The following NAV3 variants were observed in gnomAD, a reference collection of about 807,000 sequenced individuals.
NAV3 encodes the protein pore membrane and/or filament interacting like protein 1.
Under a neutral mutation model 244.7 loss-of-function variants are expected in NAV3, and 87 were observed. The observed-to-expected ratio is 0.36, with a 90% CI of 0.30 to 0.42. NAV3 has a LOEUF of 0.42. NAV3 is among the 20% of genes least tolerant of loss of function. NAV3 has a pLI of 1.00. For missense variants in NAV3, 2,663 were observed against 2,893.3 expected (o/e 0.92, Z 1.83); for synonymous variants, 1,126 against 1,042.2 (o/e 1.08, Z -1.55).
upstream of NAV3, among the ~76,000 whole-genome samples, chr12:77,829,859 C>G (rs1873418957): frequency 2.0e-5 from 3 of 152,154 alleles, no homozygotes; most frequent in South Asian, 4.1e-4. Flanking sequence ...CAAAGATGAC[C>G]ATTTCTTCAC....
chr12:77,688,310 AC>A (rs1408521625), intron 2 of NAV3, among the ~76,000 whole-genome samples: 1 of 151,808 alleles, frequency 6.6e-6, no homozygotes, highest in African/African-American at 2.4e-5. Context: ...ACTACCCCTG[AC>A]CCCCTAGATT....
At chr12:77,683,360 A>G (rs935637107) in intron 2 of NAV3, among the ~76,000 whole-genome samples, 6 of 150,170 alleles carry the variant, frequency 4.0e-5, no homozygotes, top group African/African-American at 1.5e-4. Context: ...ACTTTGTTCC[A>G]TTGGTCTTTG....
chr12:77,942,674 A>T (rs191605189), intron 3 of NAV3, among the ~76,000 whole-genome samples: 346 of 152,288 alleles, frequency 2.3e-3, no homozygotes, highest in African/African-American at 7.6e-3. Context: ...GTTGAGAAAA[A>T]TATGTAACTT....
At chr12:77,770,268 T>A (rs1409739499) in intron 2 of NAV3, among the ~76,000 whole-genome samples, 3 of 152,076 alleles carry the variant, frequency 2.0e-5, no homozygotes, top group African/African-American at 7.2e-5. Flanking sequence ...ATGAGGAAGC[T>A]AAGGTACCTG....
rs144505284 is a variant in NAV3, at chr12:77,808,347, C to T, written c.73-131972C>T. On this transcript the variant is annotated intron_variant, in intron 2 of 8. Coordinates refer to the NAV3 transcript ENST00000550042. ...TTCACTCTTTGATGTTGGTGACCTT[C>T]GGATGGGGTTTTTGTGTGGACATCC... is the stretch of plus-strand genomic sequence containing the variant. Among the ~76,000 whole-genome samples, 171 of 152,264 alleles carry T rather than the reference C, an allele frequency of 1.1e-3. 1 individual carries two copies. The highest frequency in any genetic ancestry group is 4.0e-3 in the African/African-American group (165 of 41,548).
intron 1 of NAV3, among the ~76,000 whole-genome samples, chr12:77,909,664 A>G (rs563956435): frequency 6.6e-6 from 1 of 152,228 alleles, no homozygotes; most frequent in South Asian, 2.1e-4. Context: ...ATCTTATAAG[A>G]TCCAATGGAA....
intron 2 of NAV3, among the ~76,000 whole-genome samples, chr12:77,599,163 A>G (rs1437378042): frequency 6.6e-6 from 1 of 151,834 alleles, no homozygotes; most frequent in Non-Finnish European, 1.5e-5. Context: ...CATTATATCC[A>G]CCAGATTTAT....
At chr12:77,612,683 A>G (rs75504310) in intron 2 of NAV3, among the ~76,000 whole-genome samples, 6,133 of 152,156 alleles carry the variant, frequency 0.04, 241 homozygotes, top group African/African-American at 0.1. Context: ...TAGAATTACA[A>G]TTTTCCAGAA....
At position 77,976,618 on chromosome 12, in the gene NAV3, G is replaced by A. The variant is rs111807698; in HGVS notation, c.671+7916G>A. 8.2e-3 allele frequency among the ~76,000 whole-genome samples: 1,225 copies of A among 149,414 alleles called. 10 individuals are homozygous for A. The highest frequency in any genetic ancestry group is 0.038 in the South Asian group (181 of 4,718). Reference sequence around the variant, plus strand: ...ATACATTTACTGTCTCAATCCTCACGGCAATCCTATGATGTGTATACTGTA... The same window carrying A: ...ATACATTTACTGTCTCAATCCTCACAGCAATCCTATGATGTGTATACTGTA... On this transcript the variant is annotated intron_variant, in intron 5 of 39. Transcript: ENST00000397909.
chr12:77,908,169 A>G (rs1352353509), intron 1 of NAV3, among the ~76,000 whole-genome samples: 1 of 152,134 alleles, frequency 6.6e-6, no homozygotes, highest in Non-Finnish European at 1.5e-5. Context: ...TTTATTTGTC[A>G]GCATGATGTT....
At chr12:77,678,808 A>G (rs1592573230) in intron 2 of NAV3, among the ~76,000 whole-genome samples, 1 of 151,232 alleles carries the variant, frequency 6.6e-6, no homozygotes, top group Non-Finnish European at 1.5e-5. Context: ...AGAAGTAGAG[A>G]AATCTAATCC....
intron 1 of NAV3, among the ~76,000 whole-genome samples, chr12:77,841,596 T>G (rs1429867613): frequency 6.6e-6 from 1 of 152,198 alleles, no homozygotes; most frequent in Non-Finnish European, 1.5e-5. Context: ...CCCAGTTTCC[T>G]AAAGTCAAAT....
intron 2 of NAV3, among the ~76,000 whole-genome samples, chr12:77,721,778 C>T (rs2137297648): frequency 6.6e-6 from 1 of 152,106 alleles, no homozygotes; most frequent in Non-Finnish European, 1.5e-5. Context: ...CACATTTTCC[C>T]AAGGAATTTA....
chr12:78,135,363 G>A (rs1241849063), intron 18 of NAV3, among the ~76,000 whole-genome samples: 1 of 152,118 alleles, frequency 6.6e-6, no homozygotes, highest in African/African-American at 2.4e-5. Context: ...CAATGCAGAA[G>A]CTATCAAAAG....
intron 12 of NAV3, among the ~76,000 whole-genome samples, chr12:78,065,428 A>G (rs182527864): frequency 1.3e-5 from 2 of 152,304 alleles, no homozygotes; most frequent in Admixed American, 6.5e-5. Context: ...TCAAATGTAC[A>G]GTAAGAAAAC....
intron 2 of NAV3, among the ~76,000 whole-genome samples, chr12:77,825,007 A>T (rs535776488): frequency 6.6e-6 from 1 of 152,234 alleles, no homozygotes; most frequent in Non-Finnish European, 1.5e-5. Context: ...ATAGAAAGGA[A>T]CAAAGATCAG....
intron 2 of NAV3, among the ~76,000 whole-genome samples, chr12:77,803,304 T>C (rs770734254): frequency 1.3e-5 from 2 of 152,052 alleles, no homozygotes; most frequent in Non-Finnish European, 2.9e-5. Flanking sequence ...CAGGCCCTGG[T>C]GTATGATGTT....
At chr12:78,002,064 G>A (rs1873401260) in intron 7 of NAV3, among the ~76,000 whole-genome samples, 2 of 152,152 alleles carry the variant, frequency 1.3e-5, no homozygotes, top group South Asian at 2.1e-4. Flanking sequence ...GGTTCCTTTG[G>A]ACATATACTT....
At chr12:77,586,806 G>C (rs974164446) in intron 2 of NAV3, among the ~76,000 whole-genome samples, 1 of 152,206 alleles carries the variant, frequency 6.6e-6, no homozygotes, top group African/African-American at 2.4e-5. Flanking sequence ...ACTAGTGGCT[G>C]TTATGTTGGA....
Sources: gnomAD v4.1 joint callset for allele counts (sites outside exome capture counted in the v4.1 genomes callset) on GRCh38, gnomAD v4.1.1 for gene constraint, MANE v1.5 for transcripts, NCBI Gene and HGNC (gene_info 2026-07-23, HGNC 2026-07-21) for gene names.